Variants in SCIMP observed in about 807,000 individuals in gnomAD.
SCIMP encodes SLP adaptor and CSK interacting membrane protein.
SCIMP carries 18 observed loss-of-function variants against 22.0 expected under a neutral mutation model. The observed-to-expected ratio is 0.82, with a 90% CI of 0.56 to 1.21. The LOEUF (loss-of-function observed/expected upper bound fraction) is 1.21. Ranked by LOEUF, SCIMP falls within the 50% of genes most tolerant of loss-of-function variation. The pLI is 0.00. For synonymous variants in SCIMP, 53 were observed against 62.2 expected (o/e 0.85, Z 0.70); for missense variants, 155 against 171.2 (o/e 0.91, Z 0.53).
chr17:5,215,981 G>A (rs2074562706), intron 3 of SCIMP, among the ~76,000 whole-genome samples: 1 of 151,398 alleles, frequency 6.6e-6, no homozygotes, highest in African/African-American at 2.4e-5. Context: ...CTTGAGCCCA[G>A]GGGTTTAAGG....
chr17:5,221,433 G>C, intron 2 of SCIMP, 83 bp from the exon 3 acceptor site: 1 of 1,002,096 alleles, frequency 1.0e-6, no homozygotes, highest in Non-Finnish European at 1.6e-6. Flanking sequence ...AACACACTTA[G>C]GGACACAGTT....
chr17:5,226,669 CTAATTTTTT>C, intron 1 of SCIMP, among the ~76,000 whole-genome samples: 1 of 152,024 alleles, frequency 6.6e-6, no homozygotes, highest in East Asian at 1.9e-4. Flanking sequence ...CCATGCCCGG[CTAATTTTTT>C]TTGTATTTTT....
intron 1 of SCIMP, among the ~76,000 whole-genome samples, chr17:5,233,449 T>G (rs2074718354): frequency 6.6e-6 from 1 of 152,180 alleles, no homozygotes; most frequent in South Asian, 2.1e-4. Context: ...CTTGGCTCAC[T>G]GCAACCTCCA....
intron 4 of SCIMP, among the ~76,000 whole-genome samples, chr17:5,212,806 C>T (rs1469177578): frequency 6.6e-6 from 1 of 152,082 alleles, no homozygotes; most frequent in Non-Finnish European, 1.5e-5. Context: ...ATCGACTGAG[C>T]CTCACGCCCT....
At chr17:5,229,008 G>A (rs1398360115) in intron 1 of SCIMP, among the ~76,000 whole-genome samples, 1 of 152,160 alleles carries the variant, frequency 6.6e-6, no homozygotes, top group African/African-American at 2.4e-5. Context: ...AGCCTCATCT[G>A]GACACGCGAC....
chr17:5,219,629 T>C (rs2074591274), intron 3 of SCIMP, among the ~76,000 whole-genome samples: 1 of 151,950 alleles, frequency 6.6e-6, no homozygotes, highest in Non-Finnish European at 1.5e-5. Context: ...CTCCATCTCG[T>C]AAATAAATAA....
intron 4 of SCIMP, among the ~76,000 whole-genome samples, chr17:5,211,271 C>T (rs576631679): frequency 1.3e-5 from 2 of 152,280 alleles, no homozygotes; most frequent in Non-Finnish European, 2.9e-5. Flanking sequence ...CCTGTAGTCC[C>T]AGTACTCTGG....
At chr17:5,220,292 G>A (rs536934289) in intron 3 of SCIMP, among the ~76,000 whole-genome samples, 1 of 152,202 alleles carries the variant, frequency 6.6e-6, no homozygotes, top group African/African-American at 2.4e-5. Context: ...CAGAATAGAT[G>A]AGAGTAGGCT....
Position 5,209,414 on chromosome 17 carries a change from G to A in SCIMP, c.*1387C>T, listed in dbSNP as rs546777538. ...CTCCCAAGGAGGTATTAATAGCAAG[G>A]TGGAAGCCTTCATAGAGTCTGGAAA... On this transcript the variant is annotated 3_prime_UTR_variant, in exon 5 of 5. Transcript: ENST00000574081. The A allele has an allele frequency of 6.6e-6, 1 of 152,356 alleles. No individual in the cohort carries two copies. Among genetic ancestry groups the A allele is most frequent in the East Asian group, 1.9e-4 (1 of 5,184 alleles). 9.4% of individuals were successfully genotyped at this position (152,356 alleles called of 1,614,324 possible). A position where few individuals can be genotyped will look rare whatever the true frequency, so the allele number is the denominator to read the frequency against.
At position 5,223,499 on chromosome 17, in the gene SCIMP, T is replaced by C. The variant is rs1293860295; in HGVS notation, c.22-43A>G. 8 of 1,607,140 alleles carry C rather than the reference T, an allele frequency of 5.0e-6. No individual in the cohort carries two copies. In the East Asian group the frequency reaches 1.8e-4, roughly 36 times the overall value. On this transcript the variant is annotated intron_variant, in intron 1 of 4. Transcript: ENST00000574081. ...AGAAGAATGAGGTATGAATGAAAGA[T>C]ATCCTGGGGTTGGGTGGAGTGGGGC...
intron 1 of SCIMP, among the ~76,000 whole-genome samples, chr17:5,226,123 C>A (rs1285548629): frequency 6.6e-6 from 1 of 152,130 alleles, no homozygotes; most frequent in Non-Finnish European, 1.5e-5. Flanking sequence ...GAAATAAATA[C>A]CACGACCTGC....
chr17:5,230,079 A>G (rs577545806), intron 1 of SCIMP, among the ~76,000 whole-genome samples: 3 of 151,104 alleles, frequency 2.0e-5, no homozygotes, highest in African/African-American at 7.3e-5. Flanking sequence ...CCTCCGCCCC[A>G]GCCTCCCAAA....
At chr17:5,226,505 TTTC>T (rs201000432) in intron 1 of SCIMP, among the ~76,000 whole-genome samples, 1,258 of 97,326 alleles carry the variant, frequency 0.013, 27 homozygotes, top group Middle Eastern at 0.027. Context: ...TTTTTCTTTC[TTTC>T]TTTTTTTTTT....
chr17:5,222,550 G>A (rs77506445), intron 2 of SCIMP, among the ~76,000 whole-genome samples: 8,348 of 152,266 alleles, frequency 0.055, 300 homozygotes, highest in East Asian at 0.16. Flanking sequence ...GGTGCCAAGA[G>A]GTTTCTGGTC....
At chr17:5,215,091 G>A (rs1318957764) in intron 3 of SCIMP, 93 bp from the exon 4 acceptor site, 5 of 786,528 alleles carry the variant, frequency 6.4e-6, no homozygotes, top group Non-Finnish European at 1.1e-5. Context: ...AAGTGAATGG[G>A]TTGAACATTC....
At chr17:5,220,489 A>G in intron 3 of SCIMP, among the ~76,000 whole-genome samples, 1 of 151,354 alleles carries the variant, frequency 6.6e-6, no homozygotes, top group Admixed American at 6.6e-5. Flanking sequence ...CTATAATCCC[A>G]GCACTTTGGG....
At chr17:5,221,457 G>A in intron 2 of SCIMP, 107 bp from the exon 3 acceptor site, 2 of 835,798 alleles carry the variant, frequency 2.4e-6, no homozygotes, top group Non-Finnish European at 4.0e-6. Flanking sequence ...AAATGATAGA[G>A]CCGGACTTAG....
At chr17:5,234,343 A>G (rs534049974) in intron 1 of SCIMP, among the ~76,000 whole-genome samples, 3 of 147,880 alleles carry the variant, frequency 2.0e-5, no homozygotes, top group South Asian at 2.1e-4. Flanking sequence ...GCATAGCACC[A>G]TGACAGTCTT....
At chr17:5,231,779 A>G (rs2074696519) in intron 1 of SCIMP, among the ~76,000 whole-genome samples, 2 of 151,920 alleles carry the variant, frequency 1.3e-5, no homozygotes, top group African/African-American at 2.4e-5. Context: ...TCTTGGCGGG[A>G]CGCGGTGGCT....
Sources: gnomAD v4.1 joint callset for allele counts (sites outside exome capture counted in the v4.1 genomes callset) on GRCh38, gnomAD v4.1.1 for gene constraint, MANE v1.5 for transcripts, NCBI Gene and HGNC (gene_info 2026-07-23, HGNC 2026-07-21) for gene names.